CTNNA3: variants seen among roughly 807,000 people sequenced by gnomAD.
CTNNA3 encodes catenin alpha 3.
A neutral mutation model predicts 95.7 loss-of-function variants in CTNNA3; 76 were observed. The ratio of observed to expected loss-of-function variants is 0.79; its 90% CI spans 0.66 to 0.96. The LOEUF (loss-of-function observed/expected upper bound fraction) is 0.96. CTNNA3 is among the 40% of genes least tolerant of loss of function. The pLI, the probability that CTNNA3 is intolerant of heterozygous loss-of-function variation, is 0.00. For synonymous variants in CTNNA3, 431 were observed against 374.4 expected (o/e 1.15, Z -1.74); for missense variants, 1,191 against 1,089.8 (o/e 1.09, Z -1.31).
chr10:66,008,491 T>C (rs2078941158), intron 15 of CTNNA3, among the ~76,000 whole-genome samples: 1 of 152,168 alleles, frequency 6.6e-6, no homozygotes, highest in African/African-American at 2.4e-5. Context: ...GAGCTTTTGG[T>C]GTCTTAAATG....
chr10:66,088,026 TC>T (rs1307775464), intron 14 of CTNNA3, among the ~76,000 whole-genome samples: 2 of 151,946 alleles, frequency 1.3e-5, no homozygotes, highest in African/African-American at 4.8e-5. Flanking sequence ...ATTAAGAAAA[TC>T]AAATGGATTA....
chr10:66,264,153 T>C (rs1315321992), intron 13 of CTNNA3, among the ~76,000 whole-genome samples: 1 of 151,984 alleles, frequency 6.6e-6, no homozygotes, highest in East Asian at 1.9e-4. Context: ...ATAATATAAC[T>C]ATGAAATGAG....
intron 13 of CTNNA3, among the ~76,000 whole-genome samples, chr10:66,237,460 C>T (rs1308208914): frequency 6.8e-6 from 1 of 146,964 alleles, no homozygotes; most frequent in Non-Finnish European, 1.5e-5. Context: ...GAAATGCTGA[C>T]TATTTAATAC....
chr10:66,159,065 C>G (rs1407056494), intron 13 of CTNNA3, among the ~76,000 whole-genome samples: 1 of 151,848 alleles, frequency 6.6e-6, no homozygotes, highest in Non-Finnish European at 1.5e-5. Flanking sequence ...CTGGAGGAGT[C>G]TTTAGGGTTT....
intron 1 of CTNNA3, among the ~76,000 whole-genome samples, chr10:67,723,011 G>T (rs1300039604): frequency 7.4e-6 from 1 of 134,704 alleles, no homozygotes. Context: ...TTTTGAGACA[G>T]AGTCTCACTC....
chr10:66,467,033 A>G (rs1435038074), intron 11 of CTNNA3, among the ~76,000 whole-genome samples: 2 of 152,160 alleles, frequency 1.3e-5, no homozygotes, highest in African/African-American at 2.4e-5. Context: ...AGCACACAGT[A>G]GGCATGCAAT....
chr10:67,358,179 CTAGAAGAAAACA>C (rs1842882511), intron 5 of CTNNA3, among the ~76,000 whole-genome samples: 1 of 151,980 alleles, frequency 6.6e-6, no homozygotes. Flanking sequence ...ACTTTAACTC[CTAGAAGAAAACA>C]TAGAAGAAAA....
chr10:66,546,173 C>A (rs1262220241), intron 10 of CTNNA3, among the ~76,000 whole-genome samples: 1 of 151,780 alleles, frequency 6.6e-6, no homozygotes, highest in Non-Finnish European at 1.5e-5. Flanking sequence ...ATATCCCAAG[C>A]TTATGAAGAT....
intron 10 of CTNNA3, among the ~76,000 whole-genome samples, chr10:66,554,256 C>T (rs1055176265): frequency 6.6e-6 from 1 of 151,952 alleles, no homozygotes; most frequent in Non-Finnish European, 1.5e-5. Flanking sequence ...AAGTAGTTGC[C>T]TTTTTTCCCC....
chr10:66,702,227 C>A (rs1257988222), intron 9 of CTNNA3, among the ~76,000 whole-genome samples: 1 of 151,858 alleles, frequency 6.6e-6, no homozygotes, highest in East Asian at 1.9e-4. Context: ...CAGCAACAAC[C>A]AACAATGGCA....
intron 3 of CTNNA3, among the ~76,000 whole-genome samples, chr10:67,575,224 A>G (rs1209532587): frequency 1.3e-5 from 2 of 152,118 alleles, no homozygotes; most frequent in Non-Finnish European, 2.9e-5. Flanking sequence ...CTGAATCTTG[A>G]TCATAGCCTA....
At chr10:66,091,904 A>T (rs554928800) in intron 14 of CTNNA3, among the ~76,000 whole-genome samples, 1 of 152,018 alleles carries the variant, frequency 6.6e-6, no homozygotes, top group East Asian at 1.9e-4. Context: ...AAATAATAAT[A>T]TAAAGCTATG....
intron 5 of CTNNA3, among the ~76,000 whole-genome samples, chr10:67,505,395 C>T (rs145308547): frequency 8.5e-5 from 13 of 152,138 alleles, no homozygotes; most frequent in African/African-American, 2.9e-4. Context: ...AACATGAAGA[C>T]ATAAATGTGT....
chr10:66,480,753 T>G (rs1452510273), intron 11 of CTNNA3, among the ~76,000 whole-genome samples: 1 of 152,040 alleles, frequency 6.6e-6, no homozygotes, highest in Non-Finnish European at 1.5e-5. Context: ...TACAGGTGCG[T>G]GCCACCATGC....
At chr10:66,398,667 CT>C (rs140938297) in intron 11 of CTNNA3, among the ~76,000 whole-genome samples, 2 of 151,724 alleles carry the variant, frequency 1.3e-5, no homozygotes, top group South Asian at 2.1e-4. Flanking sequence ...AAACAGAACA[CT>C]TTTTTTTAGT....
chr10:66,969,881 C>T (rs1379673649), intron 7 of CTNNA3, among the ~76,000 whole-genome samples: 1 of 152,068 alleles, frequency 6.6e-6, no homozygotes, highest in African/African-American at 2.4e-5. Flanking sequence ...ATCTGTAACT[C>T]CTATCAGAAA....
chr10:66,331,748 T>A (rs1446169814), intron 12 of CTNNA3, among the ~76,000 whole-genome samples: 1 of 151,986 alleles, frequency 6.6e-6, no homozygotes, highest in Non-Finnish European at 1.5e-5. Context: ...TGCCTCTGGC[T>A]TTGTTCTTTT....
chr10:66,821,553 A>G (rs935762072), intron 7 of CTNNA3, among the ~76,000 whole-genome samples: 1 of 152,304 alleles, frequency 6.6e-6, no homozygotes, highest in East Asian at 1.9e-4. Flanking sequence ...AACCAGCAGC[A>G]ACCTAACCCA....
chr10:66,798,602 GA>G lies in CTNNA3; in HGVS notation c.1048-23079del, dbSNP rs200859053. Among the ~76,000 whole-genome samples, 505 of 146,600 alleles carry G rather than the reference GA, an allele frequency of 3.4e-3. 5 individuals carry two copies. Among genetic ancestry groups the G allele is most frequent in the African/African-American group, 0.012 (465 of 40,262 alleles). On this transcript the variant is annotated intron_variant, in intron 7 of 17. Coordinates refer to ENST00000433211, the MANE Select transcript of CTNNA3 (RefSeq NM_013266.4). ...ATCTAATTGGAAACTCCAAATCCCA[GA>G]AAAAAAAAATGGGTAGAAAAGAGAA...
Sources: allele counts gnomAD v4.1 joint callset (sites outside exome capture counted in the v4.1 genomes callset), GRCh38; gene constraint gnomAD v4.1.1; transcripts MANE v1.5; gene names NCBI Gene and HGNC (gene_info 2026-07-23, HGNC 2026-07-21).